Variants in PPP4R3B observed in about 807,000 individuals in gnomAD.
PPP4R3B encodes protein phosphatase 4 regulatory subunit 3B.
In PPP4R3B, 52 loss-of-function variants were observed where a neutral mutation model predicts 95.4. The observed-to-expected ratio is 0.54, with a 90% CI of 0.44 to 0.69. The LOEUF (loss-of-function observed/expected upper bound fraction) is 0.69, where lower values mean the gene tolerates loss of function less well. Ranked by LOEUF, PPP4R3B falls within the 30% of genes least tolerant of loss-of-function variation. The pLI is 0.00. For missense variants in PPP4R3B, 1,003 were observed against 1,005.9 expected (o/e 1.00, Z 0.04); for synonymous variants, 407 against 343.9 (o/e 1.18, Z -2.03).
At chr2:55,556,340 T>C (rs1053131719) in intron 16 of PPP4R3B, among the ~76,000 whole-genome samples, 2 of 152,334 alleles carry the variant, frequency 1.3e-5, no homozygotes, top group East Asian at 1.9e-4. Flanking sequence ...GAAAAAGGTG[T>C]TGGTGCTTGC....
chr2:55,585,964 T>G (rs993928151), intron 6 of PPP4R3B, among the ~76,000 whole-genome samples: 1 of 152,050 alleles, frequency 6.6e-6, no homozygotes, highest in Non-Finnish European at 1.5e-5. Flanking sequence ...TCACCACAAA[T>G]TAAATGTAGA....
At chr2:55,608,900 G>C (rs780176690) in intron 2 of PPP4R3B, among the ~76,000 whole-genome samples, 2 of 152,010 alleles carry the variant, frequency 1.3e-5, no homozygotes, top group East Asian at 1.9e-4. Flanking sequence ...TGGGAGGATC[G>C]CACCTAGGAG....
intron 13 of PPP4R3B, among the ~76,000 whole-genome samples, chr2:55,567,767 C>A (rs1558963196): frequency 6.6e-6 from 1 of 152,226 alleles, no homozygotes; most frequent in East Asian, 1.9e-4. Context: ...ATTACCTCTA[C>A]AATAAAAATA....
chr2:55,574,163 G>A (rs1196267099), intron 11 of PPP4R3B, among the ~76,000 whole-genome samples: 3 of 151,498 alleles, frequency 2.0e-5, no homozygotes, highest in Non-Finnish European at 2.9e-5. Context: ...AAAGTGCTGG[G>A]ATTACAAGTG....
At chr2:55,552,118 A>C (rs1685317054) in intron 16 of PPP4R3B, among the ~76,000 whole-genome samples, 1 of 152,086 alleles carries the variant, frequency 6.6e-6, no homozygotes, top group South Asian at 2.1e-4. Flanking sequence ...TTTTACTTAT[A>C]TTATCTCTGC....
chr2:55,606,576 C>T (rs970168282), intron 2 of PPP4R3B, among the ~76,000 whole-genome samples: 8 of 151,764 alleles, frequency 5.3e-5, no homozygotes, highest in African/African-American at 1.9e-4. Context: ...AATCCCAGCA[C>T]TTTGGGAGGC....
intron 2 of PPP4R3B, among the ~76,000 whole-genome samples, chr2:55,609,674 A>C (rs1279888171): frequency 1.3e-5 from 2 of 151,876 alleles, no homozygotes; most frequent in Admixed American, 6.6e-5. Flanking sequence ...TCTCAAAAAA[A>C]AAAAAAACAA....
chr2:55,565,155 C>T (rs1687123453), intron 13 of PPP4R3B, 114 bp from the exon 14 acceptor site: 2 of 778,968 alleles, frequency 2.6e-6, no homozygotes, highest in Non-Finnish European at 3.8e-6. Flanking sequence ...TTCAAAATCA[C>T]CTTCCAAAAT....
chr2:55,573,792 A>T lies in PPP4R3B; in HGVS notation c.1607-15T>A. 1 of 1,460,978 alleles carries T rather than the reference A, an allele frequency of 6.8e-7. No homozygotes were observed. Among genetic ancestry groups the T allele is most frequent in the Non-Finnish European group, 9.1e-7 (1 of 1,101,616 alleles). 90.5% of individuals were successfully genotyped at this position (1,460,978 alleles called of 1,614,324 possible). ...TTGATAATTATCTACAAAAGAAAGT[A>T]ATCTCATGAAAATAAATATTGAATA... is the stretch of plus-strand genomic sequence containing the variant. On this transcript the variant is annotated splice_polypyrimidine_tract_variant and intron_variant, in intron 11 of 16. Coordinates refer to ENST00000616407, the MANE Select transcript of PPP4R3B (RefSeq NM_001122964.3).
At chr2:55,579,631 T>A (rs200622570) in intron 9 of PPP4R3B, 48 bp downstream of exon 9, 2 of 1,322,390 alleles carry the variant, frequency 1.5e-6, no homozygotes, top group Admixed American at 2.5e-5. Flanking sequence ...ATTTATCTCA[T>A]CCTTCTTTAA....
intron 16 of PPP4R3B, among the ~76,000 whole-genome samples, chr2:55,555,237 G>A (rs1247917138): frequency 2.9e-5 from 4 of 139,352 alleles, no homozygotes; most frequent in African/African-American, 1.1e-4. Context: ...CCAAGATTGC[G>A]CCACCGCACT....
Position 55,547,921 on chromosome 2 carries a change from A to G in PPP4R3B, c.*1990T>C, listed in dbSNP as rs1225423204. 6.6e-6 allele frequency: 1 copy of G among 152,216 alleles called. No homozygotes were observed. Among genetic ancestry groups the G allele is most frequent in the Non-Finnish European group, 1.5e-5 (1 of 68,036 alleles). The allele number at this position is 152,216 out of a possible 1,614,324, so 9.4% of individuals were successfully genotyped here. ...CAACAGAGCGAGACTCAAACAAACA[A>G]ACAAAAAGTAACTAGGAAAGTGTTT... On this transcript the variant is annotated 3_prime_UTR_variant, in exon 17 of 17. Transcript: ENST00000616407.
chr2:55,585,044 T>G lies in PPP4R3B; in HGVS notation c.1233+7A>C. ...AATTCACATAGAACCACAGCATTAT[T>G]ACTTACGTCATCACTCTGCTGAGCT... On this transcript the variant is annotated splice_region_variant and intron_variant, in intron 7 of 16. Coordinates refer to ENST00000616407, the MANE Select transcript of PPP4R3B (RefSeq NM_001122964.3). 2 of 1,595,254 alleles carry G rather than the reference T, an allele frequency of 1.3e-6. No homozygotes were observed. The highest frequency in any genetic ancestry group is 1.7e-6 in the Non-Finnish European group (2 of 1,165,406).
In PPP4R3B at chr2:55,573,646, T is replaced by A. The variant is rs1163109645; in HGVS notation, c.1738A>T (p.Asn580Tyr). The A allele has an allele frequency of 6.5e-6, 10 of 1,540,788 alleles. No homozygotes were observed. The South Asian group carries it at 1.2e-4, about 19-fold the overall frequency. The change falls in exon 12 of 17, where the codon AAT (asparagine) becomes TAT (tyrosine). Residue 580 changes from asparagine to tyrosine, a missense_variant. Asn to Tyr is a moderately radical substitution (Grantham distance 143). Coordinates refer to ENST00000616407, the MANE Select transcript of PPP4R3B (RefSeq NM_001122964.3). The stretch of plus-strand genomic sequence containing the variant: ...AAGGCCAGAAAAGTGTGCTTTGAAT[T>A]CATCAAGACCAAGACTCTTCTTAGC... ...DLLRRVLVLM[N>Y]SKHTFLALCA...
intron 16 of PPP4R3B, among the ~76,000 whole-genome samples, chr2:55,550,270 G>T (rs962947843): frequency 6.6e-6 from 1 of 152,030 alleles, no homozygotes; most frequent in Admixed American, 6.6e-5. Context: ...ATTTTACTGT[G>T]GGAAAATGTC....
chr2:55,570,090 A>C (rs184392029), intron 12 of PPP4R3B, among the ~76,000 whole-genome samples: 31 of 152,220 alleles, frequency 2.0e-4, no homozygotes, highest in African/African-American at 7.0e-4. Context: ...TCTTTACTAA[A>C]ATACAAAAAA....
In PPP4R3B at chr2:55,598,584, A is replaced by G; in HGVS notation, c.753T>C (p.Val251=). The change falls in exon 4 of 17, where the codon GTT becomes GTC. Residue 251 remains valine (V), a synonymous_variant. Coordinates refer to ENST00000616407, the MANE Select transcript of PPP4R3B (RefSeq NM_001122964.3). ...TTAGTTCAGAGTCTGTTATTGGTAT[A>G]ACTTCCTTGAACTTTGCAGTTTTGG... ...FLTKTAKFKE[V]IPITDSELRQ... is the part of the protein sequence containing the mutation. The G allele has an allele frequency of 6.2e-7, 1 of 1,614,204 alleles. No individual in the cohort carries two copies. The highest frequency in any genetic ancestry group is 8.5e-7 in the Non-Finnish European group (1 of 1,180,050).
intron 2 of PPP4R3B, chr2:55,615,157 G>A (rs1047011299): frequency 1.9e-5 from 5 of 262,724 alleles, no homozygotes; most frequent in Non-Finnish European, 3.6e-5. Context: ...ACGTGACTCA[G>A]AATAAAAGGT....
chr2:55,552,730 G>T (rs1048281108), intron 16 of PPP4R3B, among the ~76,000 whole-genome samples: 1 of 152,092 alleles, frequency 6.6e-6, no homozygotes, highest in Admixed American at 6.5e-5. Context: ...GGTTGTTTTT[G>T]CAGGGTATTT....
Sources: gnomAD v4.1 joint callset for allele counts (sites outside exome capture counted in the v4.1 genomes callset) on GRCh38, gnomAD v4.1.1 for gene constraint, MANE v1.5 for transcripts, NCBI Gene and HGNC (gene_info 2026-07-23, HGNC 2026-07-21) for gene names.